KRT77: variants seen among roughly 807,000 people sequenced by gnomAD.
KRT77 encodes keratin, type II cytoskeletal 1b.
In KRT77, 44 loss-of-function variants were observed where a neutral mutation model predicts 51.5. The observed-to-expected ratio is 0.85, with a 90% CI of 0.67 to 1.10. The LOEUF (loss-of-function observed/expected upper bound fraction) is 1.10, where lower values mean the gene tolerates loss of function less well. Among genes scored for constraint, KRT77 ranks in the 50% least tolerant of loss-of-function variants. The pLI is 0.00. For synonymous variants in KRT77, 293 were observed against 302.0 expected, an observed-to-expected ratio of 0.97 and a Z score of 0.31; for missense variants, 763 against 743.9, an observed-to-expected ratio of 1.03 and a Z score of -0.30.
chr12:52,702,367 G>A (rs1389051203), intron 1 of KRT77, among the ~76,000 whole-genome samples: 1 of 152,048 alleles, frequency 6.6e-6, no homozygotes, highest in Non-Finnish European at 1.5e-5. Context: ...GTGGATAGTT[G>A]AATGGATTGA....
chr12:52,696,268 T>C, intron 3 of KRT77, 102 bp downstream of exon 3: 2 of 1,121,146 alleles, frequency 1.8e-6, no homozygotes, highest in Non-Finnish European at 2.7e-6. Context: ...AAGCCGGCCG[T>C]AGAGGCCACC....
chr12:52,694,083 T>C (rs1053450387), intron 5 of KRT77, among the ~76,000 whole-genome samples: 4 of 151,298 alleles, frequency 2.6e-5, no homozygotes, highest in Non-Finnish European at 5.9e-5. Context: ...GATACCATTA[T>C]GAAAAAAGAA....
chr12:52,701,543 T>A (rs1941887434), intron 1 of KRT77, among the ~76,000 whole-genome samples: 1 of 152,190 alleles, frequency 6.6e-6, no homozygotes, highest in Non-Finnish European at 1.5e-5. Context: ...TGAGGGAAAG[T>A]CACTGAGTGT....
At chr12:52,692,977 C>A in intron 5 of KRT77, 97 bp from the exon 6 acceptor site, 1 of 1,411,310 alleles carries the variant, frequency 7.1e-7, no homozygotes. Flanking sequence ...GGGAGATTCC[C>A]ACCCACCTTG....
chr12:52,700,476 C>T (rs1941871536), intron 1 of KRT77, among the ~76,000 whole-genome samples: 1 of 151,816 alleles, frequency 6.6e-6, no homozygotes, highest in Non-Finnish European at 1.5e-5. Context: ...GCCTCTCTCT[C>T]GGGGGAAGAG....
intron 1 of KRT77, among the ~76,000 whole-genome samples, chr12:52,701,352 C>T (rs1402982066): frequency 6.6e-6 from 1 of 152,226 alleles, no homozygotes; most frequent in Non-Finnish European, 1.5e-5. Flanking sequence ...CGCTCCTCTT[C>T]GGCAGCCTCT....
At chr12:52,694,859 T>A in intron 4 of KRT77, 69 bp from the exon 5 acceptor site, 2 of 1,376,152 alleles carry the variant, frequency 1.5e-6, no homozygotes, top group Non-Finnish European at 1.9e-6. Flanking sequence ...CCTCTGCTGC[T>A]CCCTCAAGGC....
rs1252486197 is a variant in KRT77 at position 52,689,784 on chromosome 12, T to G, written c.*1381A>C. 6.6e-6 allele frequency: 1 copy of G among 152,168 alleles called. No homozygotes were observed. The highest frequency in any genetic ancestry group is 2.4e-5 in the African/African-American group (1 of 41,424). The allele number at this position is 152,168 out of a possible 1,614,324, so 9.4% of individuals were successfully genotyped here. A position where few individuals can be genotyped will look rare whatever the true frequency, so the allele number is the denominator to read the frequency against. ...GAGAATCATGGACTTGGAAGTTGTG[T>G]TAGGACTCAGCTAGCAAGTGAAGGT... On this transcript the variant is annotated 3_prime_UTR_variant, in exon 9 of 9. Coordinates refer to ENST00000341809, the MANE Select transcript of KRT77 (RefSeq NM_175078.3).
At position 52,694,729 on chromosome 12, in the gene KRT77, T is replaced by C. The variant is rs781027224; in HGVS notation, c.977A>G (p.Asn326Ser). The C allele has an allele frequency of 6.2e-7, 1 of 1,613,574 alleles. No homozygotes were observed. Among genetic ancestry groups the C allele is most frequent in the South Asian group, 1.1e-5 (1 of 91,004 alleles). ...DTNVILSMDNNRSLDLDSIID... is the reference protein window; with the variant it reads ...DTNVILSMDNSRSLDLDSIID... Reference sequence around the variant, plus strand: ...GATGCTGTCCAGGTCCAGGGAACGGTTATTGTCCATGGACAGGATGACGTT... The same window carrying C: ...GATGCTGTCCAGGTCCAGGGAACGGCTATTGTCCATGGACAGGATGACGTT... The change falls in exon 5 of 9, where the codon AAC becomes AGC. Residue 326 changes from asparagine (N) to serine (S), a missense_variant. Coordinates refer to ENST00000341809, the MANE Select transcript of KRT77 (RefSeq NM_175078.3).
At chr12:52,699,688 C>T (rs1284763200) in intron 1 of KRT77, among the ~76,000 whole-genome samples, 1 of 152,264 alleles carries the variant, frequency 6.6e-6, no homozygotes, top group Non-Finnish European at 1.5e-5. Context: ...AACTCCTGCT[C>T]ATCCTTTAGA....
rs972719586 is a variant in KRT77 at position 52,690,917 on chromosome 12, C to T, written c.*248G>A. On this transcript the variant is annotated 3_prime_UTR_variant, in exon 9 of 9. Transcript: ENST00000341809. ...GTGGGAGCAGGAACAGCAGCAGGGC[C>T]AGCAGAGCGGGGTCTGAGTGAGAAT... is the stretch of plus-strand genomic sequence containing the variant. 2 of 587,592 alleles carry T rather than the reference C, an allele frequency of 3.4e-6. No homozygotes were observed. The highest frequency in any genetic ancestry group is 3.8e-5 in the African/African-American group (2 of 52,138). 36.4% of individuals were successfully genotyped at this position (587,592 alleles called of 1,614,324 possible).
chr12:52,697,737 G>A lies in KRT77; in HGVS notation c.703C>T (p.Arg235Cys), dbSNP rs140276094. 54 of 1,613,890 alleles carry A rather than the reference G, an allele frequency of 3.3e-5. No individual in the cohort carries two copies. Among genetic ancestry groups the A allele is most frequent in the Admixed American group, 6.7e-5 (4 of 59,990 alleles). ...ATGCTCCTGACCTCCGCGTTCTGGCGCATCTGCTCCGCACTGAGCAAATCC... is the reference window on the plus strand; with the variant it reads ...ATGCTCCTGACCTCCGCGTTCTGGCACATCTGCTCCGCACTGAGCAAATCC... Reference protein sequence around the residue: ...QVDLLSAEQMRQNAEVRSMQD... With the variant: ...QVDLLSAEQMCQNAEVRSMQD... Residue 235 changes from arginine to cysteine, a missense_variant, in exon 2 of 9, where the codon CGC (arginine) becomes TGC (cysteine). By Grantham distance (180) the Arg-to-Cys change is radical. Coordinates refer to ENST00000341809, the MANE Select transcript of KRT77 (RefSeq NM_175078.3).
At position 52,703,121 on chromosome 12, in the gene KRT77, C is replaced by T. The variant is rs1409057673; in HGVS notation, c.314G>A (p.Gly105Asp). ...CCCAAAACCACCTCCTCCAAAGCCA[C>T]CAGCCCCGGTGCTGCCAACCCCAAA... ...RGFGVGSTGA[G>D]GFGGGGFGGA... Residue 105 changes from glycine to aspartate, a missense_variant, in exon 1 of 9, where the codon GGT (glycine) becomes GAT (aspartate). By Grantham distance (94) the Gly-to-Asp change is moderately conservative. Transcript: ENST00000341809. 1.2e-6 allele frequency: 2 copies of T among 1,612,310 alleles called. No individual in the cohort carries two copies. The highest frequency in any genetic ancestry group is 4.5e-5 in the East Asian group (2 of 44,840).
chr12:52,691,854 T>C lies in KRT77; in HGVS notation c.1462+84A>G, dbSNP rs1452136048. ...AGGACTGGAAGCTAAAATGCCAGAC[T>C]TTCCGTTCTCTGCTGGCCACCTCCT... is the stretch of plus-strand genomic sequence containing the variant. On this transcript the variant is annotated intron_variant, in intron 8 of 8. Coordinates refer to ENST00000341809, the MANE Select transcript of KRT77 (RefSeq NM_175078.3). 2.6e-6 allele frequency: 4 copies of C among 1,546,644 alleles called. No homozygotes were observed. In the Admixed American group the frequency reaches 6.7e-5, roughly 26 times the overall value.
chr12:52,702,526 A>ATGTGTG (rs370952515), intron 1 of KRT77, among the ~76,000 whole-genome samples: 3 of 51,292 alleles, frequency 5.8e-5, no homozygotes, highest in African/African-American at 1.9e-4. Context: ...GAATGGATGG[A>ATGTGTG]TGTGTGTGTG....
chr12:52,693,123 C>A (rs1266168235), intron 5 of KRT77, among the ~76,000 whole-genome samples: 1 of 150,890 alleles, frequency 6.6e-6, no homozygotes, highest in Non-Finnish European at 1.5e-5. Flanking sequence ...GGCAGACTCT[C>A]ATCCCAGCCA....
Position 52,692,526 on chromosome 12 carries a change from T to C in KRT77, c.1322A>G (p.Glu441Gly). The C allele has an allele frequency of 6.2e-7, 1 of 1,613,936 alleles. No individual in the cohort carries two copies. Among genetic ancestry groups the C allele is most frequent in the East Asian group, 2.2e-5 (1 of 44,858 alleles). Residue 441 changes from glutamate (E) to glycine (G), a missense_variant, in exon 7 of 9, where the codon GAG becomes GGG. Transcript: ENST00000341809. ...GTAGTCACGCAGCAGCCGGGCCAGC[T>C]CCTCCTTGGACTGCTGCAGGGCCTC... is the stretch of plus-strand genomic sequence containing the variant. ...LEEALQQSKE[E>G]LARLLRDYQA...
Position 52,692,902 on chromosome 12 carries a change from TAGTC to T in KRT77, c.1081-26_1081-23del, listed in dbSNP as rs528958758. ...GGTACTGGGGCCAAAGGCAGCATCA[TAGTC>T]AGCATGTGCTGCCCACCACAAGCCC... On this transcript the variant is annotated intron_variant, in intron 5 of 8. Coordinates refer to ENST00000341809, the MANE Select transcript of KRT77 (RefSeq NM_175078.3). 307 of 1,601,714 alleles carry T rather than the reference TAGTC, an allele frequency of 1.9e-4. 21 individuals are homozygous for T. In the Middle Eastern group the frequency reaches 2.0e-3, roughly 10 times the overall value.
At chr12:52,698,356 A>T in intron 1 of KRT77, 1 of 440,814 alleles carries the variant, frequency 2.3e-6, no homozygotes, top group Non-Finnish European at 4.5e-6. Context: ...ATTCCTGAGC[A>T]CACTTGCTTG....
Sources: gnomAD v4.1 joint callset for allele counts (sites outside exome capture counted in the v4.1 genomes callset) on GRCh38, gnomAD v4.1.1 for gene constraint, MANE v1.5 for transcripts, NCBI Gene and HGNC (gene_info 2026-07-23, HGNC 2026-07-21) for gene names.